The following SNX14 variants were observed in gnomAD, a reference collection of about 807,000 sequenced individuals.
The protein encoded by SNX14 is sorting nexin-14.
SNX14 carries 93 observed loss-of-function variants against 133.8 expected under a neutral mutation model. The ratio of observed to expected loss-of-function variants is 0.70; its 90% CI spans 0.59 to 0.83. The LOEUF is 0.83. SNX14 is among the 40% of genes least tolerant of loss of function. SNX14 has a pLI of 0.00. For synonymous variants in SNX14, 368 were observed against 365.6 expected, an observed-to-expected ratio of 1.01 and a Z score of -0.07; for missense variants, 945 against 1,094.9, an observed-to-expected ratio of 0.86 and a Z score of 1.93.
At position 85,508,066 on chromosome 6, in the gene SNX14, A is replaced by C; in HGVS notation, c.2654-7T>G. On this transcript the variant is annotated splice_region_variant and splice_polypyrimidine_tract_variant and intron_variant, in intron 26 of 28. Coordinates refer to ENST00000314673, the MANE Select transcript of SNX14 (RefSeq NM_153816.6). ...ATACACTTGACTAACAGATCTAAACAAAAAGGCCAAATGTGAAATAATTTT... is the reference window on the plus strand; with the variant it reads ...ATACACTTGACTAACAGATCTAAACCAAAAGGCCAAATGTGAAATAATTTT... 6.2e-7 allele frequency: 1 copy of C among 1,610,214 alleles called. No individual in the cohort carries two copies. The highest frequency in any genetic ancestry group is 8.5e-7 in the Non-Finnish European group (1 of 1,178,138).
chr6:85,590,329 A>G (rs1018111238), intron 1 of SNX14, among the ~76,000 whole-genome samples: 2 of 152,164 alleles, frequency 1.3e-5, no homozygotes, highest in African/African-American at 4.8e-5. Context: ...TTCCTTACTA[A>G]TAAATGTCCT....
At chr6:85,570,416 T>C (rs553403792) in intron 4 of SNX14, among the ~76,000 whole-genome samples, 1 of 152,300 alleles carries the variant, frequency 6.6e-6, no homozygotes, top group East Asian at 1.9e-4. Context: ...CCAACAGAAA[T>C]ATAATGTAAG....
intron 5 of SNX14, 126 bp downstream of exon 5, chr6:85,567,408 T>C (rs939833140): frequency 4.4e-6 from 3 of 684,680 alleles, no homozygotes; most frequent in African/African-American, 1.9e-5. Flanking sequence ...ATAATTATTT[T>C]GGCTAAAAGG....
At chr6:85,533,237 G>A (rs1780822506) in intron 18 of SNX14, among the ~76,000 whole-genome samples, 1 of 152,142 alleles carries the variant, frequency 6.6e-6, no homozygotes, top group South Asian at 2.1e-4. Context: ...AGAAAACGCT[G>A]TCTTAATTAA....
At chr6:85,586,314 T>C (rs753559203) in intron 1 of SNX14, among the ~76,000 whole-genome samples, 92 of 152,072 alleles carry the variant, frequency 6.0e-4, no homozygotes, top group Non-Finnish European at 1.0e-3. Context: ...AGACTTAGCA[T>C]GGTATACAAA....
Position 85,507,229 on chromosome 6 carries a change from T to C in SNX14, c.2802+4A>G, listed in dbSNP as rs1771019350. The C allele has an allele frequency of 6.2e-7, 1 of 1,609,344 alleles. No individual in the cohort carries two copies. The highest frequency in any genetic ancestry group is 1.3e-5 in the African/African-American group (1 of 74,786). On this transcript the variant is annotated splice_donor_region_variant and intron_variant, in intron 28 of 28. Coordinates refer to ENST00000314673, the MANE Select transcript of SNX14 (RefSeq NM_153816.6). ...CATGAATAAAATTACTGCTTTTCAG[T>C]TACCTTATTGAGCTCTGGAAACAGT...
At chr6:85,568,570 C>A (rs1322106292) in intron 4 of SNX14, 1 of 152,150 alleles carries the variant, frequency 6.6e-6, no homozygotes, top group African/African-American at 2.4e-5. Flanking sequence ...TCTTCCATTT[C>A]TTGGATTTGG....
At chr6:85,568,787 T>G (rs938382529) in intron 4 of SNX14, among the ~76,000 whole-genome samples, 1 of 152,198 alleles carries the variant, frequency 6.6e-6, no homozygotes, top group Non-Finnish European at 1.5e-5. Context: ...GTACAAAAAC[T>G]AAGCATTGTT....
chr6:85,511,424 C>T (rs1772776867), intron 26 of SNX14, among the ~76,000 whole-genome samples: 1 of 152,174 alleles, frequency 6.6e-6, no homozygotes, highest in African/African-American at 2.4e-5. Flanking sequence ...TGTCTTACTG[C>T]ACTAACTAGG....
chr6:85,506,529 G>A lies in SNX14; in HGVS notation c.2803-524C>T, dbSNP rs184482521. 3.3e-3 allele frequency among the ~76,000 whole-genome samples: 495 copies of A among 152,242 alleles called. 3 individuals carry two copies. The highest frequency in any genetic ancestry group is 4.2e-3 in the Non-Finnish European group (288 of 68,012). ...GACAGGGTTTCACCGTGTTAGCTAG[G>A]ATAGTCTTGATCCCCTGACCTCGTG... On this transcript the variant is annotated intron_variant, in intron 28 of 28. Coordinates refer to ENST00000314673, the MANE Select transcript of SNX14 (RefSeq NM_153816.6).
intron 1 of SNX14, among the ~76,000 whole-genome samples, chr6:85,576,163 C>T (rs1298299532): frequency 6.6e-6 from 1 of 152,080 alleles, no homozygotes; most frequent in Non-Finnish European, 1.5e-5. Context: ...ATCATTTTTA[C>T]AGACCCTCAC....
intron 23 of SNX14, among the ~76,000 whole-genome samples, chr6:85,515,789 G>A (rs1431841791): frequency 1.3e-5 from 2 of 151,770 alleles, no homozygotes; most frequent in African/African-American, 4.8e-5. Context: ...CTAAAAAACA[G>A]TGATATTATA....
chr6:85,576,654 A>C (rs536562201), intron 1 of SNX14, among the ~76,000 whole-genome samples: 50 of 152,338 alleles, frequency 3.3e-4, no homozygotes, highest in African/African-American at 1.2e-3. Context: ...GAATGATGCC[A>C]GAATTCAGAG....
chr6:85,505,850 TA>T lies in SNX14; in HGVS notation c.*116del. 1 of 686,024 alleles carries T rather than the reference TA, an allele frequency of 1.5e-6. No homozygotes were observed. The allele number at this position is 686,024 out of a possible 1,614,324, so 42.5% of individuals were successfully genotyped here. A position where few individuals can be genotyped will look rare whatever the true frequency, so the allele number is the denominator to read the frequency against. ...GTCTTTATTAAAAACAAAAAATAAC[TA>T]AAATTTCAGACAGCGATGTACATAA... On this transcript the variant is annotated 3_prime_UTR_variant, in exon 29 of 29. Transcript: ENST00000314673.
At chr6:85,512,877 GT>G (rs1318435564) in intron 26 of SNX14, among the ~76,000 whole-genome samples, 4 of 152,040 alleles carry the variant, frequency 2.6e-5, no homozygotes, top group African/African-American at 9.7e-5. Flanking sequence ...GAGTTGTTTA[GT>G]TTTTTTAGTT....
intron 1 of SNX14, among the ~76,000 whole-genome samples, chr6:85,583,187 G>A (rs1799583618): frequency 1.3e-5 from 2 of 152,152 alleles, no homozygotes; most frequent in South Asian, 2.1e-4. Flanking sequence ...TGCAGAAAAG[G>A]CCTTCAATAA....
In SNX14 at chr6:85,513,894, A is replaced by G. The variant is rs745506778; in HGVS notation, c.2559T>C (p.Asp853=). The G allele has an allele frequency of 6.2e-7, 1 of 1,605,406 alleles. No individual in the cohort carries two copies. The highest frequency in any genetic ancestry group is 1.1e-5 in the South Asian group (1 of 88,824). ...GTTCAGTGTTTTCACAGAATATAGCATCTAAAAAAGAGTAAAAAGAAATAT... is the reference window on the plus strand; with the variant it reads ...GTTCAGTGTTTTCACAGAATATAGCGTCTAAAAAAGAGTAAAAAGAAATAT... ...RLVSLITLLR[D]AIFCENTEPR... The change falls in exon 26 of 29, where the codon GAT becomes GAC. Residue 853 remains aspartate (D), a splice_region_variant and synonymous_variant. Transcript: ENST00000314673.
At chr6:85,547,700 C>A in intron 9 of SNX14, 150 bp from the exon 10 acceptor site, 1 of 610,646 alleles carries the variant, frequency 1.6e-6, no homozygotes, top group Non-Finnish European at 2.7e-6. Context: ...TGTATTACAG[C>A]AGGAGTTTTT....
At chr6:85,522,665 G>A (rs1296821376) in intron 21 of SNX14, among the ~76,000 whole-genome samples, 1 of 152,154 alleles carries the variant, frequency 6.6e-6, no homozygotes, top group East Asian at 1.9e-4. Context: ...TGCTGCTAGA[G>A]TTGGATTTCT....
Sources: gnomAD v4.1 joint callset for allele counts (sites outside exome capture counted in the v4.1 genomes callset) on GRCh38, gnomAD v4.1.1 for gene constraint, MANE v1.5 for transcripts, NCBI Gene and HGNC (gene_info 2026-07-23, HGNC 2026-07-21) for gene names.